KCNQ5: variants seen among roughly 807,000 people sequenced by gnomAD.
The protein encoded by KCNQ5 is potassium voltage-gated channel subfamily KQT member 5.
In KCNQ5, 30 loss-of-function variants were observed where a neutral mutation model predicts 98.2. The ratio of observed to expected loss-of-function variants is 0.31; its 90% CI spans 0.23 to 0.41. KCNQ5 has a LOEUF of 0.41. KCNQ5 is among the 10% of genes least tolerant of loss of function. KCNQ5 has a pLI of 1.00. For missense variants in KCNQ5, 835 were observed against 1,182.5 expected (o/e 0.71, Z 4.31); for synonymous variants, 458 against 449.4 (o/e 1.02, Z -0.24).
intron 1 of KCNQ5, among the ~76,000 whole-genome samples, chr6:72,627,320 C>A (rs530720301): frequency 2.6e-5 from 4 of 152,052 alleles, no homozygotes; most frequent in Non-Finnish European, 5.9e-5. Flanking sequence ...AGGCTAGAGA[C>A]TGGGGAACAC....
chr6:72,980,394 T>A (rs1313682738), intron 1 of KCNQ5, among the ~76,000 whole-genome samples: 1 of 152,164 alleles, frequency 6.6e-6, no homozygotes, highest in Non-Finnish European at 1.5e-5. Flanking sequence ...GTCCTTCACA[T>A]CCTTGTAAGT....
intron 1 of KCNQ5, chr6:72,987,779 C>A: frequency 6.9e-6 from 3 of 433,304 alleles, no homozygotes; most frequent in South Asian, 2.7e-5. Context: ...CTCAAAACTG[C>A]CACAATTGCT....
At chr6:72,686,951 A>G (rs966833764) in intron 1 of KCNQ5, among the ~76,000 whole-genome samples, 7 of 152,224 alleles carry the variant, frequency 4.6e-5, no homozygotes, top group African/African-American at 1.4e-4. Flanking sequence ...ATGATTCTAT[A>G]TGATTATCTA....
At chr6:72,729,640 C>A (rs1333533922) in intron 1 of KCNQ5, among the ~76,000 whole-genome samples, 1 of 152,142 alleles carries the variant, frequency 6.6e-6, no homozygotes, top group Non-Finnish European at 1.5e-5. Flanking sequence ...AGTACTTACT[C>A]CCACCAATAA....
intron 3 of KCNQ5, among the ~76,000 whole-genome samples, chr6:73,066,687 T>G (rs1390647544): frequency 6.6e-6 from 1 of 152,208 alleles, no homozygotes; most frequent in East Asian, 1.9e-4. Flanking sequence ...TCCAACTATT[T>G]TAAAGGTATG....
At position 73,091,230 on chromosome 6, in the gene KCNQ5, C is replaced by T. The variant is rs539755197; in HGVS notation, c.918+13343C>T. Among the ~76,000 whole-genome samples the T allele has an allele frequency of 1.4e-4, 21 of 152,192 alleles. No individual in the cohort carries two copies. In the East Asian group the frequency reaches 3.7e-3, roughly 27 times the overall value. ...AGCAAAGTAACTCAAGAAGAGAAAA[C>T]CAAACACCACATGTTTTCACTCATA... On this transcript the variant is annotated intron_variant, in intron 5 of 13. Coordinates refer to ENST00000370398, the MANE Select transcript of KCNQ5 (RefSeq NM_019842.4).
At chr6:73,118,918 G>A (rs1775627762) in intron 7 of KCNQ5, among the ~76,000 whole-genome samples, 1 of 152,200 alleles carries the variant, frequency 6.6e-6, no homozygotes, top group Non-Finnish European at 1.5e-5. Flanking sequence ...CTACTCAGGA[G>A]GCTGAGGCAC....
chr6:73,190,483 A>C (rs952796755), intron 11 of KCNQ5, 90 bp from the exon 12 acceptor site: 1 of 633,334 alleles, frequency 1.6e-6, no homozygotes, highest in African/African-American at 1.9e-5. Flanking sequence ...TTTTCCCCCC[A>C]GAGTTTCTTA....
intron 1 of KCNQ5, among the ~76,000 whole-genome samples, chr6:72,708,828 T>C (rs1256626109): frequency 6.6e-6 from 1 of 152,162 alleles, no homozygotes; most frequent in Admixed American, 6.6e-5. Flanking sequence ...CAAATACTTT[T>C]TTTTTTCAGA....
chr6:72,940,979 G>A (rs1468532740), intron 1 of KCNQ5, among the ~76,000 whole-genome samples: 1 of 152,040 alleles, frequency 6.6e-6, no homozygotes, highest in Non-Finnish European at 1.5e-5. Flanking sequence ...AAAATTAGAT[G>A]ACTGAAAAAA....
intron 1 of KCNQ5, among the ~76,000 whole-genome samples, chr6:72,994,561 G>A: frequency 6.8e-6 from 1 of 147,726 alleles, no homozygotes; most frequent in Non-Finnish European, 1.5e-5. Flanking sequence ...CCACTGTCTG[G>A]CACTCCCTAG....
intron 1 of KCNQ5, among the ~76,000 whole-genome samples, chr6:72,856,165 G>C (rs542562374): frequency 1.3e-5 from 2 of 152,128 alleles, no homozygotes; most frequent in East Asian, 3.9e-4. Context: ...ATTCTGGAAA[G>C]AGTCCTTCTA....
chr6:72,804,405 A>G (rs1774843856), intron 1 of KCNQ5, among the ~76,000 whole-genome samples: 3 of 151,960 alleles, frequency 2.0e-5, no homozygotes, highest in Admixed American at 2.0e-4. Flanking sequence ...AGATCCCACA[A>G]ATAAGTGAGA....
At chr6:72,749,880 C>A (rs1771590343) in intron 1 of KCNQ5, among the ~76,000 whole-genome samples, 2 of 151,992 alleles carry the variant, frequency 1.3e-5, no homozygotes, top group South Asian at 4.1e-4. Context: ...TTAACATGGC[C>A]TGTCAAGGAA....
At chr6:73,175,321 TG>T (rs1278915116) in intron 11 of KCNQ5, among the ~76,000 whole-genome samples, 1 of 152,160 alleles carries the variant, frequency 6.6e-6, no homozygotes, top group African/African-American at 2.4e-5. Flanking sequence ...TGGCTAATTT[TG>T]TATTTTTAGT....
chr6:72,769,266 A>G (rs1244252643), intron 1 of KCNQ5, among the ~76,000 whole-genome samples: 1 of 152,132 alleles, frequency 6.6e-6, no homozygotes, highest in East Asian at 1.9e-4. Context: ...AAGTAATGTG[A>G]TATAATGTTT....
chr6:72,905,716 T>G (rs1276777403), intron 1 of KCNQ5, among the ~76,000 whole-genome samples: 1 of 152,100 alleles, frequency 6.6e-6, no homozygotes, highest in East Asian at 1.9e-4. Flanking sequence ...GCTAGTACTG[T>G]GGGTTGTCTG....
chr6:73,094,418 G>A (rs1774393945), intron 5 of KCNQ5, among the ~76,000 whole-genome samples: 1 of 152,130 alleles, frequency 6.6e-6, no homozygotes, highest in Non-Finnish European at 1.5e-5. Flanking sequence ...ATTGAGATGT[G>A]AGGTACCATT....
At chr6:72,951,810 C>T (rs188648623) in intron 1 of KCNQ5, among the ~76,000 whole-genome samples, 19 of 152,238 alleles carry the variant, frequency 1.2e-4, no homozygotes, top group Non-Finnish European at 1.8e-4. Context: ...CAAAGTTTAA[C>T]TCTTAGTACA....
Sources: allele counts gnomAD v4.1 joint callset (sites outside exome capture counted in the v4.1 genomes callset), GRCh38; gene constraint gnomAD v4.1.1; transcripts MANE v1.5; gene names NCBI Gene and HGNC (gene_info 2026-07-23, HGNC 2026-07-21).